Variants in ERAP1 observed in about 807,000 individuals in gnomAD.
ERAP1 encodes the protein endoplasmic reticulum aminopeptidase 1, also known as adipocyte-derived leucine aminopeptidase.
Under a neutral mutation model 103.7 loss-of-function variants are expected in ERAP1, and 86 were observed. The ratio of observed to expected loss-of-function variants is 0.83; its 90% CI spans 0.70 to 0.99. The LOEUF (loss-of-function observed/expected upper bound fraction) is 0.99. ERAP1 is among the 50% of genes least tolerant of loss of function. ERAP1 has a pLI of 0.00. For synonymous variants in ERAP1, 398 were observed against 402.4 expected (o/e 0.99, Z 0.13); for missense variants, 1,009 against 1,128.4 (o/e 0.89, Z 1.52).
the ERAP1 span, among the ~76,000 whole-genome samples, chr5:96,818,284 T>G: frequency 6.6e-6 from 1 of 152,046 alleles, no homozygotes; most frequent in Non-Finnish European, 1.5e-5. Flanking sequence ...CTCCTGTAAA[T>G]GAATAATCAC....
chr5:96,876,317 C>T, the ERAP1 span: 2 of 152,328 alleles, frequency 1.3e-5, no homozygotes, highest in African/African-American at 4.8e-5. Context: ...TTGGCTTCTA[C>T]TCCAAAGCCA....
At chr5:96,935,260 GT>G in the ERAP1 span, 1 of 152,354 alleles carries the variant, frequency 6.6e-6, no homozygotes, top group Non-Finnish European at 1.5e-5. Context: ...CCGGCGCCGG[GT>G]TTTGTTATCC....
Position 96,790,492 on chromosome 5 carries a change from A to T in ERAP1, c.1452+20T>A. On this transcript the variant is annotated intron_variant, in intron 9 of 18. Transcript: ENST00000443439. ...AAGCCTGTCAATCCCAAATGCAGAG[A>T]TATTCAAAAACATACTCACACTTGC... The T allele has an allele frequency of 6.2e-7, 1 of 1,613,656 alleles. No individual in the cohort carries two copies. The highest frequency in any genetic ancestry group is 8.5e-7 in the Non-Finnish European group (1 of 1,179,800).
chr5:96,843,356 A>G, the ERAP1 span, among the ~76,000 whole-genome samples: 1 of 152,156 alleles, frequency 6.6e-6, no homozygotes, highest in East Asian at 1.9e-4. Flanking sequence ...GTTACACCCC[A>G]TCCAAATGTC....
chr5:96,792,457 G>A (rs1051336680), intron 7 of ERAP1, among the ~76,000 whole-genome samples: 1 of 152,050 alleles, frequency 6.6e-6, no homozygotes, highest in South Asian at 2.1e-4. Flanking sequence ...ATCTAAAAAC[G>A]AAACAATTAT....
intron 19 of ERAP1, chr5:96,767,358 C>CA: frequency 8.8e-7 from 1 of 1,133,438 alleles, no homozygotes. Flanking sequence ...AGTCATGGGA[C>CA]AATAGATTCT....
chr5:96,925,911 C>CTTT, the ERAP1 span, among the ~76,000 whole-genome samples: 364 of 105,638 alleles, frequency 3.4e-3, 3 homozygotes, highest in Middle Eastern at 6.2e-3. Context: ...GTATAATTTG[C>CTTT]TTTTTTTTTT....
chr5:96,861,939 T>C, the ERAP1 span, among the ~76,000 whole-genome samples: 1 of 152,162 alleles, frequency 6.6e-6, no homozygotes, highest in South Asian at 2.1e-4. Context: ...CATCCCATTC[T>C]AAAAAGCTTG....
rs182416321 is a variant in ERAP1, at chr5:96,807,242, G to C, written c.-18+618C>G. ...AATAAAACCCAGCCAGAGCCAGAGC[G>C]AAGGGGAGAGAGAGAATTGCTGACC... On this transcript the variant is annotated intron_variant, in intron 1 of 18. Transcript: ENST00000443439. Among the ~76,000 whole-genome samples the C allele has an allele frequency of 5.9e-5, 9 of 152,328 alleles. No individual in the cohort carries two copies. The East Asian group carries it at 1.2e-3, about 20-fold the overall frequency.
At chr5:96,786,070 T>C (rs1171552992) in intron 12 of ERAP1, 99 bp from the exon 13 acceptor site, 3 of 1,170,696 alleles carry the variant, frequency 2.6e-6, no homozygotes, top group African/African-American at 1.5e-5. Flanking sequence ...AAGAGTTTAA[T>C]ACTGAAAAAT....
chr5:96,786,565 G>A lies in ERAP1; in HGVS notation c.1680-16C>T. 6.5e-7 allele frequency: 1 copy of A among 1,527,762 alleles called. No homozygotes were observed. Among genetic ancestry groups the A allele is most frequent in the Non-Finnish European group, 9.1e-7 (1 of 1,101,026 alleles). The allele number at this position is 1,527,762 out of a possible 1,614,324, so 94.6% of individuals were successfully genotyped here. On this transcript the variant is annotated splice_polypyrimidine_tract_variant and intron_variant, in intron 11 of 18. Coordinates refer to ENST00000443439, the MANE Select transcript of ERAP1 (RefSeq NM_001040458.3). The stretch of plus-strand genomic sequence containing the variant: ...CCACAGGTACCTAAAATAAAGGAGA[G>A]GTGGATTGTTCATTTGTTGATTCAA...
At chr5:96,793,576 A>G in intron 6 of ERAP1, 63 bp from the exon 7 acceptor site, 1 of 1,299,610 alleles carries the variant, frequency 7.7e-7, no homozygotes, top group Non-Finnish European at 1.1e-6. Context: ...TAGATGTCCA[A>G]TATAAGTTTA....
chr5:96,771,637 C>G (rs763396323), downstream of ERAP1: 2 of 1,610,846 alleles, frequency 1.2e-6, no homozygotes, highest in East Asian at 2.2e-5. Flanking sequence ...TTTGCTTTCC[C>G]TTTTAGACAA....
At chr5:96,856,529 C>T in the ERAP1 span, among the ~76,000 whole-genome samples, 12 of 151,656 alleles carry the variant, frequency 7.9e-5, no homozygotes, top group African/African-American at 2.7e-4. Flanking sequence ...AACCCTACGT[C>T]GTATCTTGGC....
downstream of ERAP1, chr5:96,770,485 A>T (rs1366211261): frequency 8.2e-7 from 1 of 1,213,370 alleles, no homozygotes; most frequent in Admixed American, 1.7e-5. Flanking sequence ...TAATTGCTAG[A>T]TGGATTGGTG....
At chr5:96,867,060 G>A in the ERAP1 span, among the ~76,000 whole-genome samples, 13,175 of 150,074 alleles carry the variant, frequency 0.088, 671 homozygotes, top group Middle Eastern at 0.15. Context: ...AGGCTGGAGT[G>A]CAGTGGTACA....
chr5:96,762,045 A>G (rs962879889), exon 20 of ERAP1: 2 of 365,198 alleles, frequency 5.5e-6, no homozygotes, highest in South Asian at 7.9e-5. Context: ...ATTGCATAGT[A>G]TTTAGAATAA....
the ERAP1 span, among the ~76,000 whole-genome samples, chr5:96,816,151 A>G: frequency 1.3e-5 from 2 of 152,186 alleles, no homozygotes; most frequent in East Asian, 1.9e-4. Flanking sequence ...TAGAAAAACT[A>G]TTGGAGATGA....
chr5:96,915,021 T>G, the ERAP1 span, among the ~76,000 whole-genome samples: 1 of 152,160 alleles, frequency 6.6e-6, no homozygotes, highest in African/African-American at 2.4e-5. Flanking sequence ...AATTTATTTT[T>G]TTTGAGACGG....
Sources: gnomAD v4.1 joint callset for allele counts (sites outside exome capture counted in the v4.1 genomes callset) on GRCh38, gnomAD v4.1.1 for gene constraint, MANE v1.5 for transcripts, NCBI Gene and HGNC (gene_info 2026-07-23, HGNC 2026-07-21) for gene names.